Variants in PARP2 observed in about 807,000 individuals in gnomAD.
The protein encoded by PARP2 is poly [ADP-ribose] polymerase 2.
Under a neutral mutation model 77.8 loss-of-function variants are expected in PARP2, and 57 were observed. The observed-to-expected ratio is 0.73, with a 90% CI of 0.59 to 0.91. PARP2 has a LOEUF of 0.91. Among genes scored for constraint, PARP2 ranks in the 40% least tolerant of loss-of-function variants. The pLI is 0.00. For missense variants in PARP2, 651 were observed against 689.0 expected, an observed-to-expected ratio of 0.94 and a Z score of 0.62; for synonymous variants, 226 against 242.6, an observed-to-expected ratio of 0.93 and a Z score of 0.64.
In PARP2 at chr14:20,354,111, A is replaced by C; in HGVS notation, c.627A>C (p.Glu209Asp). ...TQDEEETKKE[E>D]SLKSPLKPES... is the part of the protein sequence containing the mutation. The stretch of plus-strand genomic sequence containing the variant: ...ATGAAGAGGAAACAAAGAAAGAGGA[A>C]TCTCTTAAATCTCCCTTGAAGCCAG... The change falls in exon 8 of 16, where the codon GAA becomes GAC. Residue 209 changes from glutamate (E) to aspartate (D), a missense_variant. Physicochemically the swap from Glu to Asp is conservative, Grantham distance 45. Transcript: ENST00000429687. 1 of 1,613,106 alleles carries C rather than the reference A, an allele frequency of 6.2e-7. No individual in the cohort carries two copies. Among genetic ancestry groups the C allele is most frequent in the South Asian group, 1.1e-5 (1 of 91,010 alleles).
At chr14:20,345,846 G>A (rs3093891) in intron 3 of PARP2, among the ~76,000 whole-genome samples, 8,704 of 151,714 alleles carry the variant, frequency 0.057, 768 homozygotes, top group African/African-American at 0.19. Context: ...CAAAAGCAGG[G>A]GAGAGAGAGA....
At chr14:20,344,507 C>T (rs3093885) in intron 1 of PARP2, 1,835 of 159,784 alleles carry the variant, frequency 0.011, 31 homozygotes, top group African/African-American at 0.042. Flanking sequence ...TTGTTATTGC[C>T]TCTGTAAACT....
chr14:20,357,068 CT>C lies in PARP2; in HGVS notation c.1350del (p.Phe450LeufsTer17). The part of the protein sequence containing the change: ...TGYMFGKGIY[F>X]ADMSSKSANY... ...TATTTCAGTTTGGGAAAGGAATCTA[CT>C]TTGCTGACATGTCTTCCAAGAGTGC... On this transcript the variant is annotated frameshift_variant, in exon 14 of 16. Coordinates refer to ENST00000429687, the MANE Select transcript of PARP2 (RefSeq NM_001042618.2). LOFTEE classifies it high-confidence loss of function. 1 of 1,610,350 alleles carries C rather than the reference CT, an allele frequency of 6.2e-7. No individual in the cohort carries two copies. Among genetic ancestry groups the C allele is most frequent in the Non-Finnish European group, 8.5e-7 (1 of 1,176,542 alleles).
chr14:20,354,781 G>C, intron 8 of PARP2, 28 bp from the exon 9 acceptor site: 1 of 1,592,790 alleles, frequency 6.3e-7, no homozygotes, highest in South Asian at 1.1e-5. Context: ...ATCCTAGTTT[G>C]GAGTCTGATC....
rs1360191454 is a variant in PARP2, at chr14:20,345,111, A to T, written c.202+24A>T. ...TGGTATGCCAGGAAGGTCATGGGCC[A>T]GCAAAAGGGTCTCTGGTAGGAGTGG... On this transcript the variant is annotated intron_variant, in intron 2 of 15. Coordinates refer to ENST00000429687, the MANE Select transcript of PARP2 (RefSeq NM_001042618.2). 1.9e-6 allele frequency: 3 copies of T among 1,613,178 alleles called. No homozygotes were observed. In the African/African-American group the frequency reaches 4.0e-5, roughly 22 times the overall value.
chr14:20,350,999 G>T, intron 5 of PARP2, 48 bp from the exon 6 acceptor site: 1 of 1,395,002 alleles, frequency 7.2e-7, no homozygotes, highest in Non-Finnish European at 1.0e-6. Context: ...TGGAGAGCTG[G>T]CCTGTTACTC....
intron 4 of PARP2, among the ~76,000 whole-genome samples, chr14:20,348,675 A>G (rs1414137831): frequency 1.3e-5 from 2 of 152,222 alleles, no homozygotes; most frequent in African/African-American, 2.4e-5. Flanking sequence ...ACCAATTAGT[A>G]TTTATTTCTT....
rs1034133955 is a variant in PARP2 at position 20,343,669 on chromosome 14, G to A, written c.28G>A (p.Gly10Ser). 6.8e-6 allele frequency: 11 copies of A among 1,610,254 alleles called. No homozygotes were observed. Among genetic ancestry groups the A allele is most frequent in the African/African-American group, 4.0e-5 (3 of 75,036 alleles). Residue 10 changes from glycine (G) to serine (S), a missense_variant, in exon 1 of 16, where the codon GGC becomes AGC. Gly to Ser is a moderately conservative substitution (Grantham distance 56, BLOSUM62 0). Coordinates refer to ENST00000429687, the MANE Select transcript of PARP2 (RefSeq NM_001042618.2). The stretch of plus-strand genomic sequence containing the variant: ...GGCGGCGCGGCGGCGACGGAGCACC[G>A]GCGGCGGCAGGGCGAGAGGTTCGGA... The part of the protein sequence containing the change: MAARRRRST[G>S]GGRARALNES...
chr14:20,356,518 G>A (rs763950547), intron 12 of PARP2, 72 bp from the exon 13 acceptor site: 24 of 1,604,620 alleles, frequency 1.5e-5, no homozygotes, highest in Non-Finnish European at 1.8e-5. Flanking sequence ...TCAGAGGAAG[G>A]TGTTGGCTTT....
chr14:20,345,962 A>G (rs1486372527), intron 3 of PARP2, among the ~76,000 whole-genome samples: 2 of 152,166 alleles, frequency 1.3e-5, no homozygotes, highest in Non-Finnish European at 2.9e-5. Context: ...TCTTGTGTGA[A>G]TTCACTCACT....
chr14:20,352,245 A>T lies in PARP2; in HGVS notation c.498A>T (p.Lys166Asn), dbSNP rs190511558. 82 of 1,592,016 alleles carry T rather than the reference A, an allele frequency of 5.2e-5. No homozygotes were observed. In the African/African-American group the frequency reaches 8.4e-4, roughly 16 times the overall value. Residue 166 changes from lysine (K) to asparagine (N), a missense_variant and splice_region_variant, in exon 7 of 16, where the codon AAA becomes AAT. Coordinates refer to ENST00000429687, the MANE Select transcript of PARP2 (RefSeq NM_001042618.2). ...TTTTCTTACACCTTGGACTCTACAG[A>T]TTCCTTGACAAAACGAAAAACAATT... ...LNKAKEIFQK[K>N]FLDKTKNNWE...
At chr14:20,347,996 C>T (rs1172472914) in intron 4 of PARP2, among the ~76,000 whole-genome samples, 2 of 152,004 alleles carry the variant, frequency 1.3e-5, no homozygotes, top group Non-Finnish European at 2.9e-5. Flanking sequence ...ACCTAAGCTT[C>T]CTGAGTAGCT....
intron 1 of PARP2, chr14:20,344,394 C>G (rs547251763): frequency 6.5e-6 from 1 of 154,020 alleles, no homozygotes; most frequent in Admixed American, 6.4e-5. Context: ...TATGAGCTTA[C>G]AAGACTCCTG....
chr14:20,344,745 G>A (rs544495181), intron 1 of PARP2, among the ~76,000 whole-genome samples, 187 bp from the exon 2 acceptor site: 5 of 152,304 alleles, frequency 3.3e-5, no homozygotes, highest in South Asian at 2.1e-4. Flanking sequence ...CCCAGGAGGC[G>A]GAGGTTGCAG....
intron 7 of PARP2, chr14:20,352,628 T>TC (rs750495098): frequency 5.1e-5 from 12 of 236,608 alleles, no homozygotes; most frequent in Non-Finnish European, 8.8e-5. Context: ...GCTCAAGCAG[T>TC]CCTCTTGTCT....
At chr14:20,349,605 CAG>C (rs1397233564) in intron 4 of PARP2, among the ~76,000 whole-genome samples, 1 of 151,832 alleles carries the variant, frequency 6.6e-6, no homozygotes, top group East Asian at 1.9e-4. Context: ...ACCTAGGACA[CAG>C]AGGTGGCAAT....
At chr14:20,356,910 C>T (rs1459328551) in intron 13 of PARP2, 141 bp from the exon 14 acceptor site, 1 of 713,140 alleles carries the variant, frequency 1.4e-6, no homozygotes, top group African/African-American at 1.8e-5. Flanking sequence ...CTTCTACCCT[C>T]TCTAGAACAG....
At chr14:20,356,175 T>C in intron 11 of PARP2, 132 bp from the exon 12 acceptor site, 1 of 1,404,496 alleles carries the variant, frequency 7.1e-7, no homozygotes, top group Non-Finnish European at 9.8e-7. Flanking sequence ...AAGGCCAAGC[T>C]TTTCCTAGCT....
intron 4 of PARP2, among the ~76,000 whole-genome samples, chr14:20,347,356 G>GTGTATGTATATA (rs1168423656): frequency 1.0e-4 from 3 of 29,562 alleles, no homozygotes; most frequent in Non-Finnish European, 1.6e-4. Flanking sequence ...ATGTGTGTGT[G>GTGTATGTATATA]TATATATATA....
Sources: gnomAD v4.1 joint callset for allele counts (sites outside exome capture counted in the v4.1 genomes callset) on GRCh38, gnomAD v4.1.1 for gene constraint, MANE v1.5 for transcripts, NCBI Gene and HGNC (gene_info 2026-07-23, HGNC 2026-07-21) for gene names.